TTLL8: variants seen among roughly 807,000 people sequenced by gnomAD.
TTLL8 encodes the protein protein monoglycylase TTLL8.
A neutral mutation model predicts 77.8 loss-of-function variants in TTLL8; 65 were observed. That is an observed-to-expected ratio of 0.84 (90% CI 0.68 to 1.03). The LOEUF is 1.03. Ranked by LOEUF, TTLL8 falls within the 50% of genes least tolerant of loss-of-function variation. TTLL8 has a pLI of 0.00. For synonymous variants in TTLL8, 402 were observed against 422.8 expected, an observed-to-expected ratio of 0.95 and a Z score of 0.60; for missense variants, 910 against 1,004.5, an observed-to-expected ratio of 0.91 and a Z score of 1.27.
chr22:50,056,283 C>T (rs1381302298), upstream of TTLL8, among the ~76,000 whole-genome samples: 1 of 151,574 alleles, frequency 6.6e-6, no homozygotes, highest in Non-Finnish European at 1.5e-5. The surrounding 1 kb of genome is among the most constrained non-coding windows in gnomAD (Gnocchi z 4.1). Context: ...GGAAGAGCTC[C>T]AAATGGCCAA....
At chr22:50,031,937 C>A (rs754926181) in exon 11 of TTLL8, 1 of 1,366,968 alleles carries the variant, frequency 7.3e-7, no homozygotes, top group Non-Finnish European at 9.8e-7. Flanking sequence ...TGGGCGATGG[C>A]CTTCTTCATG....
exon 5 of TTLL8, chr22:50,045,916 C>T (rs201254840): frequency 1.7e-5 from 23 of 1,361,760 alleles, no homozygotes; most frequent in East Asian, 9.1e-5. Flanking sequence ...AAGAAGGAGT[C>T]GGGGTTGGCC....
At chr22:50,024,321 C>T (rs567145093) in intron 12 of TTLL8, among the ~76,000 whole-genome samples, 4 of 151,894 alleles carry the variant, frequency 2.6e-5, no homozygotes, top group Admixed American at 6.6e-5. Flanking sequence ...TTAGTAGTTT[C>T]GCCATGTTGG....
chr22:50,046,493 A>T (rs1021629119), intron 4 of TTLL8, among the ~76,000 whole-genome samples: 1 of 152,236 alleles, frequency 6.6e-6, no homozygotes, highest in Non-Finnish European at 1.5e-5. Flanking sequence ...TGGCCCCCAG[A>T]AAACACAGCG....
chr22:50,049,852 G>A (rs992651408), intron 2 of TTLL8, among the ~76,000 whole-genome samples: 4 of 152,138 alleles, frequency 2.6e-5, no homozygotes, highest in East Asian at 1.9e-4. Flanking sequence ...GACAGAAACC[G>A]CCCGGGCAGG....
chr22:50,035,639 C>T (rs530921422), intron 8 of TTLL8, among the ~76,000 whole-genome samples: 3 of 152,188 alleles, frequency 2.0e-5, no homozygotes, highest in African/African-American at 4.8e-5. Context: ...GCACAGCCAG[C>T]CCCCCGCGCC....
rs8143094 is a variant in TTLL8, at chr22:50,050,566, C to G, written c.52-319G>C. Among the ~76,000 whole-genome samples, 4 of 151,934 alleles carry G rather than the reference C, an allele frequency of 2.6e-5. No homozygotes were observed. The South Asian group carries it at 6.2e-4, about 24-fold the overall frequency. ...TACTACTCCTGCTGCCCTCCTCCCC[C>G]ACCTTGCCTAGTTCACAAGACAGGA... On this transcript the variant is annotated intron_variant, in intron 1 of 13. Coordinates refer to ENST00000266182, the Ensembl canonical transcript of TTLL8.
chr22:50,057,546 T>A (rs1601944992), upstream of TTLL8, among the ~76,000 whole-genome samples: 1 of 54,954 alleles, frequency 1.8e-5, no homozygotes, highest in African/African-American at 7.9e-5. Flanking sequence ...GCGGGAGGTC[T>A]GGGTTGGGGG....
At chr22:50,049,923 G>T in intron 2 of TTLL8, 186 bp downstream of exon 4, 1 of 445,128 alleles carries the variant, frequency 2.2e-6, no homozygotes, top group Non-Finnish European at 3.0e-6. Context: ...GGGCTTGAAA[G>T]GGTTTGCCTG....
Position 50,044,385 on chromosome 22 carries a change from A to G in TTLL8, c.643+870T>C, listed in dbSNP as rs2061395109. 1.3e-5 allele frequency among the ~76,000 whole-genome samples: 2 copies of G among 152,178 alleles called. No individual in the cohort carries two copies. Among genetic ancestry groups the G allele is most frequent in the South Asian group, 2.1e-4 (1 of 4,826 alleles). ...GCCCAAGTGACCTGGTCTCCGACCA[A>G]TGCAAACTACAACCTAACTCAGAAT... On this transcript the variant is annotated intron_variant, in intron 6 of 13. Transcript: ENST00000266182. The surrounding 1 kb of genome is among the most constrained non-coding windows in gnomAD (Gnocchi z 4.2).
At chr22:50,030,470 C>A (rs751318993) in exon 12 of TTLL8, 6 of 1,345,594 alleles carry the variant, frequency 4.5e-6, no homozygotes, top group Non-Finnish European at 5.9e-6. Context: ...CCTCTGCTGT[C>A]TTCAGGCCCC....
At chr22:50,019,960 G>A (rs2061185348) in intron 12 of TTLL8, among the ~76,000 whole-genome samples, 2 of 152,042 alleles carry the variant, frequency 1.3e-5, no homozygotes, top group African/African-American at 4.8e-5. Flanking sequence ...AAACATACCA[G>A]GAAAATCCTC....
chr22:50,025,044 A>G (rs530008080), intron 12 of TTLL8, among the ~76,000 whole-genome samples: 1 of 152,294 alleles, frequency 6.6e-6, no homozygotes, highest in East Asian at 1.9e-4. Context: ...TTACAACACC[A>G]TACACAAGAA....
At chr22:50,022,541 T>C (rs2061210798) in intron 12 of TTLL8, among the ~76,000 whole-genome samples, 1 of 151,984 alleles carries the variant, frequency 6.6e-6, no homozygotes, top group Non-Finnish European at 1.5e-5. Context: ...CATGCATTCC[T>C]CCATCTGACA....
At chr22:50,030,488 A>C (rs368870601) in exon 12 of TTLL8, 2 of 1,345,182 alleles carry the variant, frequency 1.5e-6, no homozygotes, top group African/African-American at 3.0e-5. Flanking sequence ...CCCGCAGCAC[A>C]GGCTCCAGCG....
At chr22:50,019,711 G>A (rs931953902) in intron 12 of TTLL8, among the ~76,000 whole-genome samples, 2 of 152,196 alleles carry the variant, frequency 1.3e-5, no homozygotes, top group African/African-American at 4.8e-5. Flanking sequence ...CCCTGAAGCA[G>A]CACCATGCCG....
chr22:50,035,679 G>A (rs576781554), intron 8 of TTLL8, among the ~76,000 whole-genome samples: 3 of 152,304 alleles, frequency 2.0e-5, no homozygotes, highest in African/African-American at 7.2e-5. Flanking sequence ...TGCAGCACAG[G>A]TCAGTCCCCA....
chr22:50,035,687 C>G (rs1449392051), intron 8 of TTLL8, among the ~76,000 whole-genome samples: 1 of 152,196 alleles, frequency 6.6e-6, no homozygotes, highest in Non-Finnish European at 1.5e-5. Flanking sequence ...AGGTCAGTCC[C>G]CAACTATTGT....
chr22:50,046,392 A>G (rs1286197010), intron 4 of TTLL8, among the ~76,000 whole-genome samples: 1 of 152,132 alleles, frequency 6.6e-6, no homozygotes, highest in African/African-American at 2.4e-5. Context: ...TGCCCACCAC[A>G]CGCGAGGTAG....
Sources: gnomAD v4.1 joint callset for allele counts (sites outside exome capture counted in the v4.1 genomes callset) on GRCh38, gnomAD v4.1.1 for gene constraint, Gnocchi (gnomAD v3.1) non-coding constraint, MANE v1.5 for transcripts, NCBI Gene and HGNC (gene_info 2026-07-23, HGNC 2026-07-21) for gene names.